Variants in SLC8A1 observed in about 807,000 individuals in gnomAD.
SLC8A1 encodes sodium/calcium exchanger 1.
SLC8A1 carries 18 observed loss-of-function variants against 68.3 expected under a neutral mutation model. The observed-to-expected ratio is 0.26, with a 90% CI of 0.18 to 0.39. The LOEUF (loss-of-function observed/expected upper bound fraction) is 0.39. Among genes scored for constraint, SLC8A1 ranks in the 10% least tolerant of loss-of-function variants. SLC8A1 has a pLI of 1.00. For missense variants in SLC8A1, 985 were observed against 1,156.7 expected, an observed-to-expected ratio of 0.85 and a Z score of 2.15; for synonymous variants, 475 against 415.5, an observed-to-expected ratio of 1.14 and a Z score of -1.74.
intron 2 of SLC8A1, among the ~76,000 whole-genome samples, chr2:40,221,616 T>C (rs2058340551): frequency 6.6e-6 from 1 of 152,174 alleles, no homozygotes; most frequent in Non-Finnish European, 1.5e-5. Flanking sequence ...ATGACATGAT[T>C]GTATATTTAG....
chr2:40,437,665 C>T (rs1257421599), intron 1 of SLC8A1, among the ~76,000 whole-genome samples: 4 of 151,910 alleles, frequency 2.6e-5, no homozygotes, highest in Non-Finnish European at 4.4e-5. Flanking sequence ...AACAATAATT[C>T]AGTATTTTTT....
chr2:40,202,210 A>T (rs936540026), intron 2 of SLC8A1, among the ~76,000 whole-genome samples: 2 of 151,896 alleles, frequency 1.3e-5, no homozygotes, highest in Non-Finnish European at 2.9e-5. Context: ...TCTCATTGGG[A>T]TCTATGAACA....
At chr2:40,209,940 T>G (rs964313369) in intron 2 of SLC8A1, 1 of 152,220 alleles carries the variant, frequency 6.6e-6, no homozygotes, top group Non-Finnish European at 1.5e-5. Flanking sequence ...AAGTGCCTAC[T>G]ACTTAATATT....
chr2:40,299,848 A>C (rs1013620685), intron 2 of SLC8A1, among the ~76,000 whole-genome samples: 1 of 152,100 alleles, frequency 6.6e-6, no homozygotes, highest in African/African-American at 2.4e-5. Flanking sequence ...CTCCCTACTA[A>C]TCGGTTTAGA....
chr2:40,380,946 T>C (rs1433094420), intron 2 of SLC8A1, among the ~76,000 whole-genome samples: 1 of 152,110 alleles, frequency 6.6e-6, no homozygotes, highest in Non-Finnish European at 1.5e-5. Context: ...TGCCAGATTC[T>C]TCTCCTCTCT....
chr2:40,174,802 C>A, intron 4 of SLC8A1, 23 bp downstream of exon 5: 1 of 1,606,950 alleles, frequency 6.2e-7, no homozygotes, highest in Middle Eastern at 1.7e-4. Context: ...AGTTAGATAG[C>A]ATTAGACTTG....
At chr2:40,241,879 G>GT (rs60407688) in intron 2 of SLC8A1, among the ~76,000 whole-genome samples, 89,758 of 151,820 alleles carry the variant, frequency 0.59, 29,718 homozygotes, top group Non-Finnish European at 0.76. Context: ...ATAGATATCA[G>GT]TTTTTTTCTT....
intron 2 of SLC8A1, among the ~76,000 whole-genome samples, chr2:40,216,129 A>G (rs916875696): frequency 1.3e-5 from 2 of 150,986 alleles, no homozygotes; most frequent in African/African-American, 2.4e-5. Context: ...GCACCTGTTG[A>G]CCCATCCTCT....
At chr2:40,404,595 A>G (rs1689752809) in intron 2 of SLC8A1, among the ~76,000 whole-genome samples, 1 of 152,204 alleles carries the variant, frequency 6.6e-6, no homozygotes, top group African/African-American at 2.4e-5. Flanking sequence ...CTGGTCTTCC[A>G]TGTGCTGTAT....
At chr2:40,223,446 C>T (rs935133910) in intron 2 of SLC8A1, among the ~76,000 whole-genome samples, 4 of 152,112 alleles carry the variant, frequency 2.6e-5, no homozygotes, top group Non-Finnish European at 2.9e-5. Context: ...AGCAAACCGT[C>T]ATGGCACGTG....
At chr2:40,365,109 T>C (rs1164766017) in intron 2 of SLC8A1, among the ~76,000 whole-genome samples, 1 of 152,102 alleles carries the variant, frequency 6.6e-6, no homozygotes, top group Non-Finnish European at 1.5e-5. Flanking sequence ...TTATTTATGG[T>C]ACTTTACCAT....
chr2:40,238,193 C>T (rs1195212252), intron 2 of SLC8A1, among the ~76,000 whole-genome samples: 1 of 151,804 alleles, frequency 6.6e-6, no homozygotes, highest in Non-Finnish European at 1.5e-5. Flanking sequence ...GGCGGGCGCC[C>T]CTCCCCCAGC....
At chr2:40,321,670 G>T (rs2075207092) in intron 2 of SLC8A1, among the ~76,000 whole-genome samples, 1 of 152,032 alleles carries the variant, frequency 6.6e-6, no homozygotes, top group Admixed American at 6.6e-5. Context: ...AGCGGGAAAA[G>T]CCCCTTATAA....
intron 2 of SLC8A1, among the ~76,000 whole-genome samples, chr2:40,200,495 C>T (rs1480599970): frequency 6.7e-6 from 1 of 150,366 alleles, no homozygotes. Flanking sequence ...AATTCCAAAT[C>T]AAGGGCCAGA....
chr2:40,357,889 G>A (rs935449316), intron 2 of SLC8A1, among the ~76,000 whole-genome samples: 4 of 151,896 alleles, frequency 2.6e-5, no homozygotes, highest in South Asian at 2.1e-4. Flanking sequence ...TTAGGGAGAC[G>A]TAAGCTGCTA....
chr2:40,386,112 T>C (rs1385623578), intron 2 of SLC8A1, among the ~76,000 whole-genome samples: 1 of 151,312 alleles, frequency 6.6e-6, no homozygotes, highest in Admixed American at 6.6e-5. Flanking sequence ...ATGCTTACAA[T>C]ACAATCAAGA....
chr2:40,415,494 T>A (rs73926210), intron 2 of SLC8A1, among the ~76,000 whole-genome samples: 1 of 151,856 alleles, frequency 6.6e-6, no homozygotes, highest in South Asian at 2.1e-4. Flanking sequence ...GGCTTAAGCA[T>A]AAAGGATTAC....
intron 2 of SLC8A1, among the ~76,000 whole-genome samples, chr2:40,227,508 C>A (rs370929218): frequency 6.6e-6 from 1 of 151,918 alleles, no homozygotes; most frequent in African/African-American, 2.4e-5. Flanking sequence ...CAAGTGGGAG[C>A]TAAATGATGA....
chr2:40,185,630 T>C (rs2050564289), intron 2 of SLC8A1, among the ~76,000 whole-genome samples: 1 of 152,180 alleles, frequency 6.6e-6, no homozygotes, highest in African/African-American at 2.4e-5. Context: ...AGTTGGTGAC[T>C]GCTGATGGGT....
Sources: allele counts gnomAD v4.1 joint callset (sites outside exome capture counted in the v4.1 genomes callset), GRCh38; gene constraint gnomAD v4.1.1; transcripts MANE v1.5; gene names NCBI Gene and HGNC (gene_info 2026-07-23, HGNC 2026-07-21).